The following METAP1D variants were observed in gnomAD, a reference collection of about 807,000 sequenced individuals.
METAP1D encodes methionyl aminopeptidase type 1D, mitochondrial.
Under a neutral mutation model 40.5 loss-of-function variants are expected in METAP1D, and 31 were observed. The ratio of observed to expected loss-of-function variants is 0.77; its 90% CI spans 0.58 to 1.03. The LOEUF (loss-of-function observed/expected upper bound fraction) is 1.03, where lower values mean the gene tolerates loss of function less well. Ranked by LOEUF, METAP1D falls within the 50% of genes least tolerant of loss-of-function variation. The probability of loss-of-function intolerance (pLI) is 0.00; values close to 1 mark genes in which losing one functional copy is unlikely to be tolerated. For synonymous variants in METAP1D, 151 were observed against 146.4 expected (o/e 1.03, Z -0.22); for missense variants, 411 against 420.7 (o/e 0.98, Z 0.20).
intron 1 of METAP1D, among the ~76,000 whole-genome samples, chr2:172,031,277 A>G (rs891456421): frequency 2.0e-5 from 3 of 152,116 alleles, no homozygotes; most frequent in Non-Finnish European, 4.4e-5. Context: ...ATTGCTTTAG[A>G]AGGAATGAGT....
At chr2:172,056,726 C>T (rs17581715) in intron 1 of METAP1D, among the ~76,000 whole-genome samples, 16,752 of 152,142 alleles carry the variant, frequency 0.11, 1,140 homozygotes, top group South Asian at 0.25. Context: ...GATGGTTTAC[C>T]TATTTATGTT....
At chr2:172,000,668 A>C (rs560357909) in intron 1 of METAP1D, among the ~76,000 whole-genome samples, 7 of 152,216 alleles carry the variant, frequency 4.6e-5, no homozygotes, top group Non-Finnish European at 8.8e-5. Flanking sequence ...TCATATTTTG[A>C]GGAGCTACTT....
At position 172,065,475 on chromosome 2, in the gene METAP1D, G is replaced by A. The variant is rs947809994; in HGVS notation, c.349-129G>A. Reference sequence around the variant, plus strand: ...AACACTAATCATAATTAATTCAAATGTTGTACCATAACTTTATCATAGTAA... The same window carrying A: ...AACACTAATCATAATTAATTCAAATATTGTACCATAACTTTATCATAGTAA... On this transcript the variant is annotated intron_variant, in intron 3 of 9. Coordinates refer to ENST00000315796, the MANE Select transcript of METAP1D (RefSeq NM_199227.3). 4 of 911,456 alleles carry A rather than the reference G, an allele frequency of 4.4e-6. No individual in the cohort carries two copies. The Admixed American group carries it at 9.9e-5, about 23-fold the overall frequency. The allele number at this position is 911,456 out of a possible 1,614,324, so 56.5% of individuals were successfully genotyped here.
At chr2:172,062,749 G>A (rs935645478) in intron 2 of METAP1D, among the ~76,000 whole-genome samples, 8 of 152,124 alleles carry the variant, frequency 5.3e-5, no homozygotes, top group African/African-American at 1.9e-4. Context: ...ATCTGAACAG[G>A]GGAGCAAGTG....
chr2:172,037,265 G>A (rs1381428197), intron 1 of METAP1D, among the ~76,000 whole-genome samples: 7 of 149,200 alleles, frequency 4.7e-5, no homozygotes, highest in Non-Finnish European at 4.5e-5. Flanking sequence ...TCCATCTCAA[G>A]AAAAAAAAAA....
intron 1 of METAP1D, among the ~76,000 whole-genome samples, chr2:172,028,098 C>T (rs972712861): frequency 6.6e-6 from 1 of 152,148 alleles, no homozygotes; most frequent in African/African-American, 2.4e-5. Context: ...AACATGATAA[C>T]TTCAAAATGA....
At chr2:172,065,239 C>G (rs566042512) in intron 3 of METAP1D, among the ~76,000 whole-genome samples, 1 of 152,144 alleles carries the variant, frequency 6.6e-6, no homozygotes, top group Admixed American at 6.5e-5. Flanking sequence ...TATTCACATG[C>G]GCTGGGTAGC....
intron 1 of METAP1D, among the ~76,000 whole-genome samples, chr2:172,055,780 A>G (rs1353461047): frequency 2.0e-5 from 3 of 152,246 alleles, no homozygotes; most frequent in Non-Finnish European, 4.4e-5. Flanking sequence ...GTCTTATGAA[A>G]GTGAAATTGC....
In METAP1D at chr2:172,080,348, C is replaced by G. The variant is rs1559024836; in HGVS notation, c.950C>G (p.Thr317Arg). The change falls in exon 10 of 10, where the codon ACG becomes AGG. Residue 317 changes from threonine (T) to arginine (R), a missense_variant. Physicochemically the swap from Thr to Arg is moderately conservative, Grantham distance 71. Transcript: ENST00000315796. ...TACAGGTCGGCGCAGTTCGAGCACA[C>G]GGTTCTGATCACGTCGAGGGGCGCG... Reference protein sequence around the residue: ...DNQRSAQFEHTVLITSRGAQI... With the variant: ...DNQRSAQFEHRVLITSRGAQI... 1 of 1,614,080 alleles carries G rather than the reference C, an allele frequency of 6.2e-7. No individual in the cohort carries two copies. The highest frequency in any genetic ancestry group is 8.5e-7 in the Non-Finnish European group (1 of 1,179,920).
In METAP1D at chr2:172,070,897, T is replaced by A. The variant is rs1319985190; in HGVS notation, c.541-10T>A. ...CAAGGACATATTTTTAAATTTCTGC[T>A]TATGTTTAGGTCTATTACAATGGCT... is the stretch of plus-strand genomic sequence containing the variant. On this transcript the variant is annotated splice_polypyrimidine_tract_variant and intron_variant, in intron 5 of 9. Coordinates refer to ENST00000315796, the MANE Select transcript of METAP1D (RefSeq NM_199227.3). 2 of 1,578,932 alleles carry A rather than the reference T, an allele frequency of 1.3e-6. No homozygotes were observed. The highest frequency in any genetic ancestry group is 4.5e-5 in the East Asian group (2 of 44,098).
chr2:172,036,296 G>A (rs1188049560), intron 1 of METAP1D, among the ~76,000 whole-genome samples: 2 of 141,776 alleles, frequency 1.4e-5, no homozygotes, highest in Non-Finnish European at 3.0e-5. Context: ...CAGCCTGGGC[G>A]ACAGAGCGAG....
intron 1 of METAP1D, among the ~76,000 whole-genome samples, chr2:172,033,118 T>A (rs1026694871): frequency 1.3e-5 from 2 of 150,682 alleles, no homozygotes; most frequent in African/African-American, 4.9e-5. Context: ...TCAGAACAAA[T>A]CCCTAGATTT....
At chr2:172,046,063 A>T (rs1689759519) in intron 1 of METAP1D, among the ~76,000 whole-genome samples, 1 of 140,150 alleles carries the variant, frequency 7.1e-6, no homozygotes. Context: ...TTTTAATTAC[A>T]CTTTGGTATC....
chr2:172,029,216 G>A (rs1689186916), intron 1 of METAP1D, among the ~76,000 whole-genome samples: 1 of 152,144 alleles, frequency 6.6e-6, no homozygotes, highest in South Asian at 2.1e-4. Context: ...AGACCAGCCT[G>A]AGCAACTAGG....
intron 8 of METAP1D, among the ~76,000 whole-genome samples, 190 bp downstream of exon 8, chr2:172,079,452 AT>A (rs748654390): frequency 8.4e-4 from 128 of 152,362 alleles, no homozygotes; most frequent in South Asian, 1.7e-3. Context: ...TTACCGACAC[AT>A]TTAGGAGAAG....
At chr2:172,036,918 G>A (rs1267544127) in intron 1 of METAP1D, among the ~76,000 whole-genome samples, 1 of 152,140 alleles carries the variant, frequency 6.6e-6, no homozygotes, top group Non-Finnish European at 1.5e-5. Flanking sequence ...AAACAACATA[G>A]ATAAGTTTAC....
At chr2:172,023,617 G>A (rs1409998419) in intron 1 of METAP1D, among the ~76,000 whole-genome samples, 1 of 152,096 alleles carries the variant, frequency 6.6e-6, no homozygotes, top group Non-Finnish European at 1.5e-5. Context: ...GCATATCATG[G>A]TATGTAAATT....
intron 1 of METAP1D, among the ~76,000 whole-genome samples, chr2:172,031,220 C>A (rs1236891022): frequency 6.6e-6 from 1 of 152,160 alleles, no homozygotes; most frequent in Non-Finnish European, 1.5e-5. Context: ...GGAGTATCCT[C>A]ATAAAGGCTT....
intron 1 of METAP1D, among the ~76,000 whole-genome samples, chr2:172,000,957 C>G (rs548454455): frequency 7.2e-5 from 11 of 152,130 alleles, no homozygotes; most frequent in Non-Finnish European, 1.6e-4. Flanking sequence ...GAGCCGTGAT[C>G]GTACCACTGA....
Sources: allele counts gnomAD v4.1 joint callset (sites outside exome capture counted in the v4.1 genomes callset), GRCh38; gene constraint gnomAD v4.1.1; transcripts MANE v1.5; gene names NCBI Gene and HGNC (gene_info 2026-07-23, HGNC 2026-07-21).